FAF1: variants seen among roughly 807,000 people sequenced by gnomAD.
FAF1 encodes the protein FAS-associated factor 1.
Under a neutral mutation model 92.5 loss-of-function variants are expected in FAF1, and 25 were observed. That is an observed-to-expected ratio of 0.27 (90% CI 0.20 to 0.38). The LOEUF (loss-of-function observed/expected upper bound fraction) is 0.38. Among genes scored for constraint, FAF1 ranks in the 10% least tolerant of loss-of-function variants. The pLI is 1.00. For missense variants in FAF1, 636 were observed against 793.3 expected (o/e 0.80, Z 2.38); for synonymous variants, 234 against 273.2 (o/e 0.86, Z 1.42).
At chr1:50,739,420 G>A (rs1041827916) in intron 5 of FAF1, among the ~76,000 whole-genome samples, 2 of 151,902 alleles carry the variant, frequency 1.3e-5, no homozygotes. Context: ...ACATGTGAGT[G>A]TATGTGTATG....
Position 50,561,934 on chromosome 1 carries a change from C to A in FAF1, c.1268+5143G>T, listed in dbSNP as rs924184760. Among the ~76,000 whole-genome samples the A allele has an allele frequency of 1.1e-4, 17 of 152,144 alleles. No individual in the cohort carries two copies. In the South Asian group the frequency reaches 3.3e-3, roughly 30 times the overall value. On this transcript the variant is annotated intron_variant, in intron 13 of 18. Coordinates refer to ENST00000396153, the MANE Select transcript of FAF1 (RefSeq NM_007051.3). ...AATGGGATTACAGACATAGCTCCCTCAGGGAGCTGACAACCTAGCAGGGAG... is the reference window on the plus strand; with the variant it reads ...AATGGGATTACAGACATAGCTCCCTAAGGGAGCTGACAACCTAGCAGGGAG...
At chr1:50,564,955 G>GT (rs1003291097) in intron 13 of FAF1, among the ~76,000 whole-genome samples, 224 of 146,212 alleles carry the variant, frequency 1.5e-3, no homozygotes, top group African/African-American at 4.8e-3. Context: ...AATTTTATTT[G>GT]TTTTTTTTTT....
intron 6 of FAF1, among the ~76,000 whole-genome samples, chr1:50,714,478 T>A (rs1658091756): frequency 6.6e-6 from 1 of 152,074 alleles, no homozygotes; most frequent in African/African-American, 2.4e-5. Context: ...GCCACTGCAC[T>A]CCAGCCTGGG....
chr1:50,617,162 A>T (rs772514398), intron 8 of FAF1, among the ~76,000 whole-genome samples: 7 of 152,116 alleles, frequency 4.6e-5, no homozygotes, highest in Non-Finnish European at 8.8e-5. Context: ...TGTGGCTAGG[A>T]CTTTCAGTAC....
At chr1:50,666,570 C>G (rs954298411) in intron 7 of FAF1, among the ~76,000 whole-genome samples, 1 of 152,104 alleles carries the variant, frequency 6.6e-6, no homozygotes, top group African/African-American at 2.4e-5. Context: ...GCACTTAATT[C>G]TAAACAGTGG....
At chr1:50,738,441 C>T (rs1002025106) in intron 6 of FAF1, among the ~76,000 whole-genome samples, 2 of 102,508 alleles carry the variant, frequency 2.0e-5, no homozygotes, top group African/African-American at 4.7e-5. Context: ...GAAACTCCGT[C>T]GCAAAAAAAA....
intron 1 of FAF1, among the ~76,000 whole-genome samples, chr1:50,938,781 A>G (rs896645837): frequency 2.0e-5 from 3 of 152,200 alleles, no homozygotes; most frequent in Admixed American, 6.5e-5. Flanking sequence ...GTCTAGTTTC[A>G]TCCTTCTGCA....
chr1:50,711,174 C>A (rs1204882831), intron 6 of FAF1, among the ~76,000 whole-genome samples: 2 of 152,098 alleles, frequency 1.3e-5, no homozygotes, highest in Admixed American at 6.5e-5. Context: ...TCCCAAAGTG[C>A]TGCGATTACA....
At chr1:50,630,867 C>T (rs1466951797) in intron 8 of FAF1, among the ~76,000 whole-genome samples, 3 of 119,682 alleles carry the variant, frequency 2.5e-5, no homozygotes, top group South Asian at 2.6e-4. Context: ...CTCACTCTGT[C>T]GCCCAGGCTG....
rs1649953988 is a variant in FAF1 at position 50,562,262 on chromosome 1, CAT to C, written c.1268+4813_1268+4814del. Among the ~76,000 whole-genome samples, 5 of 152,210 alleles carry C rather than the reference CAT, an allele frequency of 3.3e-5. No homozygotes were observed. The South Asian group carries it at 1.0e-3, about 32-fold the overall frequency. The stretch of plus-strand genomic sequence containing the variant: ...CCCTGCTTCACTGTCTGCCTGTAGA[CAT>C]ATGCCAATGCTGGATGAATCATTAA... On this transcript the variant is annotated intron_variant, in intron 13 of 18. Transcript: ENST00000396153.
intron 1 of FAF1, among the ~76,000 whole-genome samples, chr1:50,869,258 G>C (rs1327278568): frequency 6.6e-6 from 1 of 151,922 alleles, no homozygotes; most frequent in Non-Finnish European, 1.5e-5. Context: ...TACTTTTATA[G>C]TACATTTCTT....
At chr1:50,745,427 T>A (rs901337633) in intron 4 of FAF1, among the ~76,000 whole-genome samples, 4 of 152,360 alleles carry the variant, frequency 2.6e-5, no homozygotes, top group South Asian at 4.1e-4. Flanking sequence ...TGATATGGTT[T>A]GAATTTGTGG....
intron 3 of FAF1, among the ~76,000 whole-genome samples, chr1:50,794,109 G>A (rs1209352755): frequency 2.0e-5 from 3 of 152,192 alleles, no homozygotes; most frequent in Admixed American, 2.0e-4. Flanking sequence ...ACTTTGGTAG[G>A]ACGCATGCAT....
chr1:50,824,982 A>G (rs1242628198), intron 2 of FAF1, among the ~76,000 whole-genome samples: 1 of 152,076 alleles, frequency 6.6e-6, no homozygotes, highest in Non-Finnish European at 1.5e-5. Context: ...AAGAGAGTTT[A>G]GTTAATTAGT....
At chr1:50,481,552 ACTAT>A (rs1646704107) in intron 17 of FAF1, among the ~76,000 whole-genome samples, 1 of 152,170 alleles carries the variant, frequency 6.6e-6, no homozygotes. Context: ...AGCAGGCTAT[ACTAT>A]CTATGTTTGT....
intron 1 of FAF1, among the ~76,000 whole-genome samples, chr1:50,948,632 A>C (rs1173964251): frequency 6.7e-6 from 1 of 150,008 alleles, no homozygotes; most frequent in Non-Finnish European, 1.5e-5. Flanking sequence ...TCCCAGATTC[A>C]AGCGATTCTC....
At chr1:50,836,951 C>CTTTTTTT (rs528322924) in intron 2 of FAF1, among the ~76,000 whole-genome samples, 181 of 76,682 alleles carry the variant, frequency 2.4e-3, no homozygotes, top group African/African-American at 2.7e-3. Context: ...TGTTATGTTT[C>CTTTTTTT]TTTTTTTTTT....
intron 8 of FAF1, among the ~76,000 whole-genome samples, chr1:50,615,161 C>T (rs1652855150): frequency 6.6e-6 from 1 of 152,204 alleles, no homozygotes; most frequent in South Asian, 2.1e-4. Context: ...TCGTGCATTA[C>T]TTAGCTTAGG....
chr1:50,493,067 C>A (rs1011134595), intron 15 of FAF1, among the ~76,000 whole-genome samples: 13 of 146,262 alleles, frequency 8.9e-5, no homozygotes, highest in African/African-American at 3.4e-4. Context: ...GAGTCTTGCT[C>A]TGTCACCCAG....
Sources: allele counts gnomAD v4.1 joint callset (sites outside exome capture counted in the v4.1 genomes callset), GRCh38; gene constraint gnomAD v4.1.1; transcripts MANE v1.5; gene names NCBI Gene and HGNC (gene_info 2026-07-23, HGNC 2026-07-21).